NSUN3: variants seen among roughly 807,000 people sequenced by gnomAD.
NSUN3 encodes the protein NOP2/Sun RNA methyltransferase 3, also known as tRNA (cytosine(34)-C(5))-methyltransferase, mitochondrial.
NSUN3 carries 24 observed loss-of-function variants against 36.8 expected under a neutral mutation model. The observed-to-expected ratio is 0.65, with a 90% CI of 0.47 to 0.92. The LOEUF (loss-of-function observed/expected upper bound fraction) is 0.92, where lower values mean the gene tolerates loss of function less well. NSUN3 is among the 40% of genes least tolerant of loss of function. NSUN3 has a pLI of 0.00. For missense variants in NSUN3, 381 were observed against 392.8 expected (o/e 0.97, Z 0.25); for synonymous variants, 146 against 145.2 (o/e 1.01, Z -0.04).
rs200722600 is a variant in NSUN3, at chr3:94,063,154, C to T, written c.12+16C>T. The T allele has an allele frequency of 5.0e-6, 8 of 1,613,604 alleles. No homozygotes were observed. The highest frequency in any genetic ancestry group is 4.5e-5 in the East Asian group (2 of 44,860). Reference sequence around the variant, plus strand: ...GCTGACCCAGGTGAGACCTGGGGCCCGGCTGGGTACCTCTATCTGAATGAG... The same window carrying T: ...GCTGACCCAGGTGAGACCTGGGGCCTGGCTGGGTACCTCTATCTGAATGAG... On this transcript the variant is annotated intron_variant, in intron 1 of 5. Coordinates refer to ENST00000314622, the MANE Select transcript of NSUN3 (RefSeq NM_022072.5).
chr3:94,114,186 G>A (rs1390836953), intron 5 of NSUN3, among the ~76,000 whole-genome samples: 6 of 152,176 alleles, frequency 3.9e-5, no homozygotes, highest in African/African-American at 1.4e-4. Context: ...GTGGTGTCCT[G>A]TGTCTCATTG....
chr3:94,096,504 T>G (rs2077340539), intron 5 of NSUN3, among the ~76,000 whole-genome samples: 1 of 152,078 alleles, frequency 6.6e-6, no homozygotes, highest in African/African-American at 2.4e-5. Flanking sequence ...GTGTGTTTGT[T>G]TGTTTGTTTT....
At chr3:94,107,587 A>G (rs1279433215) in intron 5 of NSUN3, among the ~76,000 whole-genome samples, 1 of 151,798 alleles carries the variant, frequency 6.6e-6, no homozygotes, top group African/African-American at 2.4e-5. Flanking sequence ...ATGCCCGGCT[A>G]ATTTTTTTTT....
In NSUN3 at chr3:94,100,831, A is replaced by G. The variant is rs1202284096; in HGVS notation, c.743+5677A>G. On this transcript the variant is annotated intron_variant, in intron 5 of 5. Coordinates refer to ENST00000314622, the MANE Select transcript of NSUN3 (RefSeq NM_022072.5). ...TCACTTTATGAGAAATATTTATGTT[A>G]CATAAGCAGTCTACACAGTGTTCAG... 1.3e-5 allele frequency among the ~76,000 whole-genome samples: 2 copies of G among 152,184 alleles called. 1 individual carries two copies. The highest frequency in any genetic ancestry group is 4.1e-4 in the South Asian group (2 of 4,824).
intron 2 of NSUN3, among the ~76,000 whole-genome samples, chr3:94,080,546 G>T: frequency 6.6e-6 from 1 of 152,216 alleles, no homozygotes; most frequent in Admixed American, 6.5e-5. Context: ...CCCAGGGAGA[G>T]GGGGTTTTAT....
At chr3:94,113,747 C>T (rs1408425134) in intron 5 of NSUN3, among the ~76,000 whole-genome samples, 1 of 152,126 alleles carries the variant, frequency 6.6e-6, no homozygotes, top group Non-Finnish European at 1.5e-5. Context: ...GTATTTTTAT[C>T]TACCTTTTAG....
At chr3:94,100,365 A>G (rs982948586) in intron 5 of NSUN3, among the ~76,000 whole-genome samples, 2 of 152,208 alleles carry the variant, frequency 1.3e-5, no homozygotes, top group African/African-American at 4.8e-5. Context: ...GTTAAGTGAA[A>G]TAAGCCAGAA....
intron 2 of NSUN3, among the ~76,000 whole-genome samples, chr3:94,075,289 A>G (rs1240970618): frequency 2.0e-5 from 3 of 152,176 alleles, no homozygotes; most frequent in Admixed American, 6.5e-5. Context: ...CATTTCACAG[A>G]CAGGAAAGAA....
intron 3 of NSUN3, among the ~76,000 whole-genome samples, chr3:94,092,780 C>T (rs1307919221): frequency 4.0e-5 from 6 of 151,662 alleles, no homozygotes; most frequent in African/African-American, 1.2e-4. Context: ...ATTAGCCAGA[C>T]GTGGTGACGC....
chr3:94,116,777 A>T (rs976676004), intron 5 of NSUN3, among the ~76,000 whole-genome samples: 1 of 152,122 alleles, frequency 6.6e-6, no homozygotes, highest in African/African-American at 2.4e-5. Context: ...ATTTGTTTGG[A>T]TTTGTTAAAG....
intron 5 of NSUN3, among the ~76,000 whole-genome samples, chr3:94,106,277 AC>A (rs2077388535): frequency 1.3e-5 from 2 of 152,210 alleles, no homozygotes; most frequent in South Asian, 4.1e-4. Flanking sequence ...GTAAAAACTT[AC>A]TGTCAGTGGA....
intron 2 of NSUN3, among the ~76,000 whole-genome samples, chr3:94,071,253 G>C (rs1316419699): frequency 6.6e-6 from 1 of 152,126 alleles, no homozygotes; most frequent in Non-Finnish European, 1.5e-5. Context: ...TTAACACTTA[G>C]AGATTTAAGA....
At chr3:94,123,257 A>G (rs1461480186) in intron 5 of NSUN3, among the ~76,000 whole-genome samples, 1 of 152,160 alleles carries the variant, frequency 6.6e-6, no homozygotes, top group African/African-American at 2.4e-5. Flanking sequence ...CTGCTCTTCT[A>G]TGTTGCATGC....
rs754390863 is a variant in NSUN3 at position 94,129,742 on chromosome 3, CTTTTTT to C, written c.*3272_*3277del. 1.1e-5 allele frequency among the ~76,000 whole-genome samples: 1 copy of C among 89,926 alleles called. No individual in the cohort carries two copies. The highest frequency in any genetic ancestry group is 3.4e-4 in the East Asian group (1 of 2,922). The allele number at this position is 89,926 out of a possible 152,430, so 59.0% of individuals were successfully genotyped here. On this transcript the variant is annotated 3_prime_UTR_variant, in exon 6 of 6. Coordinates refer to ENST00000314622, the MANE Select transcript of NSUN3 (RefSeq NM_022072.5). ...TCTATAAATTGTTTATATATGTTGT[CTTTTTT>C]TTTTTTTTTTTTTTTTTTTGAGACA...
intron 5 of NSUN3, 65 bp downstream of exon 5, chr3:94,095,219 C>T: frequency 1.3e-6 from 2 of 1,494,488 alleles, no homozygotes; most frequent in East Asian, 2.3e-5. Flanking sequence ...CATAATAGAA[C>T]ATGTCAGGCC....
At chr3:94,102,441 G>A (rs979665011) in intron 5 of NSUN3, among the ~76,000 whole-genome samples, 1 of 152,078 alleles carries the variant, frequency 6.6e-6, no homozygotes, top group Non-Finnish European at 1.5e-5. Flanking sequence ...TAATAATTCA[G>A]TTCATGTCGC....
At position 94,084,411 on chromosome 3, in the gene NSUN3, G is replaced by C. The variant is rs2107247378; in HGVS notation, c.427G>C (p.Gly143Arg). Residue 143 changes from glycine (G) to arginine (R), a missense_variant, in exon 3 of 6, where the codon GGA becomes CGA. Physicochemically the swap from Gly to Arg is moderately radical, Grantham distance 125. Transcript: ENST00000314622. ...EKVLDLCAAP[G>R]GKSIALLQCA... is the part of the protein sequence containing the mutation. ...GGTTCTGGATCTCTGTGCTGCTCCT[G>C]GAGGGAAATCAATAGCTCTGCTGCA... 4 of 1,614,046 alleles carry C rather than the reference G, an allele frequency of 2.5e-6. No individual in the cohort carries two copies. The South Asian group carries it at 4.4e-5, about 18-fold the overall frequency.
At chr3:94,066,952 C>T (rs549497223) in intron 2 of NSUN3, among the ~76,000 whole-genome samples, 1 of 152,266 alleles carries the variant, frequency 6.6e-6, no homozygotes, top group South Asian at 2.1e-4. Flanking sequence ...CCCTCAGCTC[C>T]TGGGAGGCGA....
At chr3:94,121,309 C>CTTCTGGG (rs966934868) in intron 5 of NSUN3, among the ~76,000 whole-genome samples, 2 of 152,196 alleles carry the variant, frequency 1.3e-5, no homozygotes, top group Non-Finnish European at 1.5e-5. Context: ...TCAACCCAGG[C>CTTCTGGG]TTCCATCATC....
Sources: gnomAD v4.1 joint callset for allele counts (sites outside exome capture counted in the v4.1 genomes callset) on GRCh38, gnomAD v4.1.1 for gene constraint, MANE v1.5 for transcripts, NCBI Gene and HGNC (gene_info 2026-07-23, HGNC 2026-07-21) for gene names.